CRYGN: variants seen among roughly 807,000 people sequenced by gnomAD.
CRYGN encodes the protein gamma-crystallin N.
In CRYGN, 17 loss-of-function variants were observed where a neutral mutation model predicts 19.2. The ratio of observed to expected loss-of-function variants is 0.89; its 90% CI spans 0.61 to 1.33. CRYGN has a LOEUF of 1.33. Ranked by LOEUF, CRYGN falls within the 40% of genes most tolerant of loss-of-function variation. The pLI, the probability that CRYGN is intolerant of heterozygous loss-of-function variation, is 0.00. For missense variants in CRYGN, 239 were observed against 239.6 expected, an observed-to-expected ratio of 1.00 and a Z score of 0.02; for synonymous variants, 84 against 85.8, an observed-to-expected ratio of 0.98 and a Z score of 0.12.
At chr7:151,440,196 T>TCCAGGGCAGGGCAGGG, upstream of CRYGN, 1 of 946,168 alleles carries the variant, frequency 1.1e-6, no homozygotes, top group Non-Finnish European at 1.4e-6. Flanking sequence ...CGGCTGCCCC[T>TCCAGGGCAGGGCAGGG]GCCCTGCCCT....
intron 1 of CRYGN, chr7:151,438,920 A>T (rs1801689100): frequency 6.6e-6 from 1 of 152,182 alleles, no homozygotes; most frequent in Non-Finnish European, 1.5e-5. Flanking sequence ...GCTACGTGGC[A>T]CTCACAGGTT....
At chr7:151,432,588 G>A (rs1053013955) in intron 3 of CRYGN, among the ~76,000 whole-genome samples, 1 of 152,216 alleles carries the variant, frequency 6.6e-6, no homozygotes, top group African/African-American at 2.4e-5. Context: ...CAGATCTCTT[G>A]TAGTCAGGAG....
intron 2 of CRYGN, 164 bp downstream of exon 2, chr7:151,437,832 T>C (rs904927695): frequency 4.0e-6 from 6 of 1,493,150 alleles, no homozygotes; most frequent in Non-Finnish European, 5.3e-6. Flanking sequence ...GCCCCCCACC[T>C]ACTCACCTCA....
rs973309685 is a variant in CRYGN, at chr7:151,434,098, G to A, written c.416+2082C>T. Among the ~76,000 whole-genome samples, 7 of 152,256 alleles carry A rather than the reference G, an allele frequency of 4.6e-5. No homozygotes were observed. The South Asian group carries it at 1.0e-3, about 23-fold the overall frequency. ...CTCCTAGCAGTGTCCCCTCCGGATC[G>A]AGGGGACCTGGGGGCGTTACCTCCT... On this transcript the variant is annotated intron_variant, in intron 3 of 3. Coordinates refer to ENST00000337323, the MANE Select transcript of CRYGN (RefSeq NM_144727.3).
rs1294878964 is a variant in CRYGN, at chr7:151,431,851, G to C, written c.417-1671C>G. On this transcript the variant is annotated intron_variant, in intron 3 of 3. Transcript: ENST00000337323. The surrounding 1 kb of genome is among the most constrained non-coding windows in gnomAD (Gnocchi z 4.8). ...GTCACAGAGAGGCAGAGCCCCAAGC[G>C]AGCCTGGGGAGTCCTGAACCGGCCT... 9.0e-6 allele frequency: 2 copies of C among 222,182 alleles called. No homozygotes were observed. The highest frequency in any genetic ancestry group is 4.5e-5 in the African/African-American group (2 of 44,232). The allele number at this position is 222,182 out of a possible 1,614,324, so 13.8% of individuals were successfully genotyped here. A position where few individuals can be genotyped will look rare whatever the true frequency, so the allele number is the denominator to read the frequency against.
At position 151,435,011 on chromosome 7, in the gene CRYGN, A is replaced by T. The variant is rs1411942888; in HGVS notation, c.416+1169T>A. On this transcript the variant is annotated intron_variant, in intron 3 of 3. Transcript: ENST00000337323. This position sits in a 1 kb window ranked among gnomAD's most constrained non-coding sequence, Gnocchi z 4.2. ...AATAATGTACATATTCAGCATAGACACAATTGTGGGGGGATATTTTCGCTG... is the reference window on the plus strand; with the variant it reads ...AATAATGTACATATTCAGCATAGACTCAATTGTGGGGGGATATTTTCGCTG... Among the ~76,000 whole-genome samples, 2 of 152,238 alleles carry T rather than the reference A, an allele frequency of 1.3e-5. No homozygotes were observed. The highest frequency in any genetic ancestry group is 1.3e-4 in the Admixed American group (2 of 15,286).
In CRYGN at chr7:151,431,058, T is replaced by C. The variant is rs1801452212; in HGVS notation, c.417-878A>G. 6.6e-6 allele frequency among the ~76,000 whole-genome samples: 1 copy of C among 152,168 alleles called. No homozygotes were observed. The highest frequency in any genetic ancestry group is 2.4e-5 in the African/African-American group (1 of 41,432). On this transcript the variant is annotated intron_variant, in intron 3 of 3. Coordinates refer to ENST00000337323, the MANE Select transcript of CRYGN (RefSeq NM_144727.3). The surrounding 1 kb of genome is among the most constrained non-coding windows in gnomAD (Gnocchi z 4.8). Reference sequence around the variant, plus strand: ...TCAGGAATCTCGGGTCCAGGGCCCCTGTGTTCTCCTCAGAAGCCCAGAGCA... The same window carrying C: ...TCAGGAATCTCGGGTCCAGGGCCCCCGTGTTCTCCTCAGAAGCCCAGAGCA...
rs141491381 is a variant in CRYGN at position 151,434,075 on chromosome 7, C to T, written c.416+2105G>A. ...ACTCCCCCGACCCCAGGAAAGGCCT[C>T]CTAGCAGTGTCCCCTCCGGATCGAG... On this transcript the variant is annotated intron_variant, in intron 3 of 3. Coordinates refer to ENST00000337323, the MANE Select transcript of CRYGN (RefSeq NM_144727.3). 1.0e-2 allele frequency among the ~76,000 whole-genome samples: 1,515 copies of T among 152,180 alleles called. 28 individuals are homozygous for T. Among genetic ancestry groups the T allele is most frequent in the African/African-American group, 0.033 (1,388 of 41,530 alleles).
rs149371377 is a variant in CRYGN at position 151,430,639 on chromosome 7, C to A, written c.417-459G>T. On this transcript the variant is annotated intron_variant, in intron 3 of 3. Coordinates refer to ENST00000337323, the MANE Select transcript of CRYGN (RefSeq NM_144727.3). This position sits in a 1 kb window ranked among gnomAD's most constrained non-coding sequence, Gnocchi z 5.2. ...AGCTCCCTGCCGTACTCCATCACCCCCTAGGCCTGTCGGGGTGTCTCAGTT... is the reference window on the plus strand; with the variant it reads ...AGCTCCCTGCCGTACTCCATCACCCACTAGGCCTGTCGGGGTGTCTCAGTT... 1.2e-4 allele frequency among the ~76,000 whole-genome samples: 18 copies of A among 152,324 alleles called. No individual in the cohort carries two copies. Among genetic ancestry groups the A allele is most frequent in the African/African-American group, 4.3e-4 (18 of 41,558 alleles).
intron 2 of CRYGN, among the ~76,000 whole-genome samples, chr7:151,437,307 G>A (rs962779558): frequency 1.1e-4 from 16 of 152,110 alleles, no homozygotes; most frequent in Non-Finnish European, 1.9e-4. Flanking sequence ...AGAGATGCAC[G>A]CCCCCAGGCT....
intron 3 of CRYGN, chr7:151,432,248 T>A (rs1038086411): frequency 5.7e-6 from 7 of 1,231,906 alleles, no homozygotes; most frequent in Middle Eastern, 3.1e-4. Flanking sequence ...ACCACGTACA[T>A]GCGGCCGTGG....
intron 1 of CRYGN, 151 bp downstream of exon 1, chr7:151,439,746 C>A (rs1801714564): frequency 2.5e-6 from 2 of 814,426 alleles, no homozygotes; most frequent in Admixed American, 6.3e-5. Flanking sequence ...GGCCCCAGGC[C>A]AGTAGCGAGG....
At chr7:151,434,618 C>G (rs1425939313) in intron 3 of CRYGN, among the ~76,000 whole-genome samples, 1 of 152,200 alleles carries the variant, frequency 6.6e-6, no homozygotes, top group Non-Finnish European at 1.5e-5. Context: ...CCTTGGATAT[C>G]AAAATCCGAG....
intron 3 of CRYGN, among the ~76,000 whole-genome samples, chr7:151,432,756 A>G (rs911919137): frequency 6.6e-6 from 1 of 152,160 alleles, no homozygotes; most frequent in Non-Finnish European, 1.5e-5. Flanking sequence ...GTGAGCCGAG[A>G]TTGCGCCACT....
rs759160986 is a variant in CRYGN, at chr7:151,436,436, C to T, written c.271-111G>A. 2 of 895,948 alleles carry T rather than the reference C, an allele frequency of 2.2e-6. No homozygotes were observed. Among genetic ancestry groups the T allele is most frequent in the Non-Finnish European group, 3.2e-6 (2 of 622,338 alleles). 55.5% of individuals were successfully genotyped at this position (895,948 alleles called of 1,614,324 possible). On this transcript the variant is annotated intron_variant, in intron 2 of 3. Coordinates refer to ENST00000337323, the MANE Select transcript of CRYGN (RefSeq NM_144727.3). This position sits in a 1 kb window ranked among gnomAD's most constrained non-coding sequence, Gnocchi z 5.1. ...ATTAGGAGGTACCCAAGGCACTGGG[C>T]ACCCCCACCCCACACACTTCAACCC...
chr7:151,434,652 AT>A (rs1801554766), intron 3 of CRYGN, among the ~76,000 whole-genome samples: 1 of 152,194 alleles, frequency 6.6e-6, no homozygotes, highest in Non-Finnish European at 1.5e-5. Flanking sequence ...CTGATATAAA[AT>A]GGCACTGTAT....
intron 3 of CRYGN, chr7:151,432,249 GC>G (rs780613894): frequency 4.7e-4 from 585 of 1,232,062 alleles, no homozygotes; most frequent in Non-Finnish European, 5.5e-4. Context: ...CCACGTACAT[GC>G]GGCCGTGGTA....
In CRYGN at chr7:151,430,221, G is replaced by C; in HGVS notation, c.417-41C>G. ...GAAAGGAGGTGGGGCCAGGGCATTA[G>C]GGGTACAGAGCAGGCCTTTTGGGGA... On this transcript the variant is annotated intron_variant, in intron 3 of 3. Transcript: ENST00000337323. This position sits in a 1 kb window ranked among gnomAD's most constrained non-coding sequence, Gnocchi z 5.2. The C allele has an allele frequency of 1.9e-6, 3 of 1,609,854 alleles. No homozygotes were observed. Among genetic ancestry groups the C allele is most frequent in the Non-Finnish European group, 1.7e-6 (2 of 1,177,834 alleles).
chr7:151,434,909 G>A (rs1273806215), intron 3 of CRYGN, among the ~76,000 whole-genome samples: 1 of 152,174 alleles, frequency 6.6e-6, no homozygotes, highest in African/African-American at 2.4e-5. Flanking sequence ...TACTGGACTC[G>A]AAATCATCTC....
Sources: gnomAD v4.1 joint callset for allele counts (sites outside exome capture counted in the v4.1 genomes callset) on GRCh38, gnomAD v4.1.1 for gene constraint, Gnocchi (gnomAD v3.1) non-coding constraint, MANE v1.5 for transcripts, NCBI Gene and HGNC (gene_info 2026-07-23, HGNC 2026-07-21) for gene names.